TINAG: variants seen among roughly 807,000 people sequenced by gnomAD.
TINAG encodes the protein tubulointerstitial nephritis antigen.
A neutral mutation model predicts 72.7 loss-of-function variants in TINAG; 83 were observed. That is an observed-to-expected ratio of 1.14 (90% CI 0.96 to 1.37). The LOEUF is 1.37. TINAG is among the 40% of genes most tolerant of loss of function. The probability of loss-of-function intolerance (pLI) is 0.00; values close to 1 mark genes in which losing one functional copy is unlikely to be tolerated. For synonymous variants in TINAG, 234 were observed against 189.9 expected (o/e 1.23, Z -1.91); for missense variants, 685 against 576.6 (o/e 1.19, Z -1.93).
intron 4 of TINAG, among the ~76,000 whole-genome samples, chr6:54,331,381 G>T (rs933332579): frequency 6.6e-6 from 1 of 152,164 alleles, no homozygotes; most frequent in African/African-American, 2.4e-5. Flanking sequence ...AATAGATGCA[G>T]AAAAGACCTT....
intron 10 of TINAG, among the ~76,000 whole-genome samples, chr6:54,383,889 A>G (rs954327962): frequency 1.3e-5 from 2 of 152,160 alleles, no homozygotes; most frequent in African/African-American, 2.4e-5. Flanking sequence ...TTCCATTATA[A>G]AGACACATGC....
intron 5 of TINAG, among the ~76,000 whole-genome samples, chr6:54,346,352 C>A (rs1785120575): frequency 6.6e-6 from 1 of 151,642 alleles, no homozygotes; most frequent in African/African-American, 2.4e-5. Flanking sequence ...GAACTAATAA[C>A]AATTACAATT....
chr6:54,339,293 G>A (rs912348493), intron 4 of TINAG, among the ~76,000 whole-genome samples: 1 of 152,126 alleles, frequency 6.6e-6, no homozygotes, highest in Non-Finnish European at 1.5e-5. Context: ...TGTACTCTGT[G>A]GTGCTGGATA....
intron 1 of TINAG, among the ~76,000 whole-genome samples, chr6:54,312,228 T>C (rs1784275927): frequency 6.6e-6 from 1 of 152,056 alleles, no homozygotes; most frequent in Non-Finnish European, 1.5e-5. Flanking sequence ...CTGGCTATTT[T>C]TTTGCATTTT....
rs778883626 is a variant in TINAG at position 54,349,821 on chromosome 6, G to A, written c.1005G>A (p.Thr335=). The A allele has an allele frequency of 6.5e-5, 104 of 1,610,818 alleles. No homozygotes were observed. Among genetic ancestry groups the A allele is most frequent in the Middle Eastern group, 1.6e-4 (1 of 6,066 alleles). Residue 335 remains threonine, a synonymous_variant, in exon 7 of 11, where the codon ACG becomes ACA. Coordinates refer to ENST00000259782, the MANE Select transcript of TINAG (RefSeq NM_014464.4). ...RSDGRGKRHA[T]KPCPNNVEKS... is the part of the protein sequence containing the mutation. ...ATGGGCGAGGAAAACGGCATGCCAC[G>A]AAGCCATGTCCCAACAACGTAGAAA... is the stretch of plus-strand genomic sequence containing the variant.
chr6:54,316,571 G>A (rs934120371), intron 1 of TINAG, among the ~76,000 whole-genome samples: 1 of 152,160 alleles, frequency 6.6e-6, no homozygotes, highest in Non-Finnish European at 1.5e-5. Context: ...GCAAGCAACT[G>A]CCTTTACTTT....
intron 4 of TINAG, among the ~76,000 whole-genome samples, chr6:54,337,331 C>A (rs768201456): frequency 6.8e-6 from 1 of 146,230 alleles, no homozygotes; most frequent in East Asian, 2.1e-4. Flanking sequence ...CTGCTTCCTG[C>A]AACCTCTGCC....
At chr6:54,319,107 T>C (rs1784434850) in intron 1 of TINAG, among the ~76,000 whole-genome samples, 1 of 152,094 alleles carries the variant, frequency 6.6e-6, no homozygotes, top group Non-Finnish European at 1.5e-5. Context: ...GAGATGTCTG[T>C]TCCATTTATC....
chr6:54,373,144 A>G (rs1450147595), intron 9 of TINAG, among the ~76,000 whole-genome samples: 2 of 152,060 alleles, frequency 1.3e-5, no homozygotes, highest in Non-Finnish European at 2.9e-5. Flanking sequence ...GATAAATGCA[A>G]CCCTGGTTAG....
intron 5 of TINAG, among the ~76,000 whole-genome samples, chr6:54,344,997 A>G (rs1325052442): frequency 6.6e-6 from 1 of 152,220 alleles, no homozygotes; most frequent in Non-Finnish European, 1.5e-5. Flanking sequence ...ACTTAAAAAT[A>G]TGCACATATA....
At chr6:54,365,245 T>C (rs1392785167) in intron 9 of TINAG, 1 of 151,640 alleles carries the variant, frequency 6.6e-6, no homozygotes, top group Non-Finnish European at 1.5e-5. Context: ...TGTTAGAATG[T>C]CTTTCGATTG....
chr6:54,338,352 G>C (rs552561465), intron 4 of TINAG, among the ~76,000 whole-genome samples: 1 of 152,204 alleles, frequency 6.6e-6, no homozygotes, highest in East Asian at 1.9e-4. Flanking sequence ...AAGTCATTTT[G>C]TGTGTTCATA....
chr6:54,373,461 C>T (rs1288646086), intron 9 of TINAG, among the ~76,000 whole-genome samples: 2 of 152,056 alleles, frequency 1.3e-5, no homozygotes, highest in Non-Finnish European at 2.9e-5. Context: ...TTTTCTAGTT[C>T]TAATTTTTAT....
In TINAG at chr6:54,308,514, A is replaced by G. The variant is rs982148067; in HGVS notation, c.-37A>G. On this transcript the variant is annotated 5_prime_UTR_variant, in exon 1 of 11. In the 5' UTR this introduces an upstream ATG that the reference lacks. Transcript: ENST00000259782. ...GCCCACAAGGCTAAGGGTATTGGATATAACGGAAAGTGGAAGCTATACCTG... is the reference window on the plus strand; with the variant it reads ...GCCCACAAGGCTAAGGGTATTGGATGTAACGGAAAGTGGAAGCTATACCTG... 3.2e-6 allele frequency: 5 copies of G among 1,550,990 alleles called. No individual in the cohort carries two copies. The Middle Eastern group carries it at 5.2e-4, about 161-fold the overall frequency.
intron 6 of TINAG, among the ~76,000 whole-genome samples, chr6:54,349,509 T>A (rs1785209157): frequency 6.6e-6 from 1 of 152,048 alleles, no homozygotes; most frequent in Non-Finnish European, 1.5e-5. Context: ...GCAAGATTTT[T>A]AAAATTATAA....
chr6:54,320,499 T>A, intron 1 of TINAG, 80 bp from the exon 2 acceptor site: 1 of 1,185,488 alleles, frequency 8.4e-7, no homozygotes, highest in Non-Finnish European at 1.2e-6. Flanking sequence ...AAGCTAACTA[T>A]GATTTTTGAT....
chr6:54,343,035 G>A (rs1413142870), intron 4 of TINAG, among the ~76,000 whole-genome samples, 191 bp from the exon 5 acceptor site: 2 of 152,156 alleles, frequency 1.3e-5, no homozygotes, highest in African/African-American at 2.4e-5. Context: ...ATTAGGTTAT[G>A]AGTCCCCATA....
At chr6:54,334,402 C>A (rs1784813054) in intron 4 of TINAG, among the ~76,000 whole-genome samples, 1 of 152,142 alleles carries the variant, frequency 6.6e-6, no homozygotes, top group Admixed American at 6.6e-5. Flanking sequence ...GATGTAATCA[C>A]CTGAGTTATT....
intron 4 of TINAG, among the ~76,000 whole-genome samples, chr6:54,330,077 A>G (rs1015325344): frequency 6.6e-6 from 1 of 152,164 alleles, no homozygotes; most frequent in Non-Finnish European, 1.5e-5. Flanking sequence ...CAAAAAATTA[A>G]CAAGGAGATT....
Sources: gnomAD v4.1 joint callset for allele counts (sites outside exome capture counted in the v4.1 genomes callset) on GRCh38, gnomAD v4.1.1 for gene constraint, MANE v1.5 for transcripts, NCBI Gene and HGNC (gene_info 2026-07-23, HGNC 2026-07-21) for gene names.